Variants in DNASE2 observed in about 807,000 individuals in gnomAD.
DNASE2 encodes deoxyribonuclease 2, lysosomal.
DNASE2 carries 26 observed loss-of-function variants against 29.8 expected under a neutral mutation model. The ratio of observed to expected loss-of-function variants is 0.87; its 90% CI spans 0.64 to 1.21. The LOEUF (loss-of-function observed/expected upper bound fraction) is 1.21, where lower values mean the gene tolerates loss of function less well. DNASE2 is among the 50% of genes most tolerant of loss of function. The pLI, the probability that DNASE2 is intolerant of heterozygous loss-of-function variation, is 0.00. For synonymous variants in DNASE2, 186 were observed against 193.5 expected, an observed-to-expected ratio of 0.96 and a Z score of 0.32; for missense variants, 415 against 455.6, an observed-to-expected ratio of 0.91 and a Z score of 0.81.
In DNASE2 at chr19:12,878,395, G is replaced by C; in HGVS notation, c.696C>G (p.Ser232Arg). ...GAVFQSFAKF[S>R]KFGDDLYSGW... ...CTTGAGACTCACCATCTCCAAATTT[G>C]CTGAACTTGGCAAAGCTCTGGAAAA... is the stretch of plus-strand genomic sequence containing the variant. The change falls in exon 5 of 6, where the codon AGC becomes AGG. Residue 232 changes from serine to arginine, a missense_variant. Coordinates refer to ENST00000222219, the MANE Select transcript of DNASE2 (RefSeq NM_001375.3). 2 of 1,612,628 alleles carry C rather than the reference G, an allele frequency of 1.2e-6. No homozygotes were observed. The highest frequency in any genetic ancestry group is 1.7e-6 in the Non-Finnish European group (2 of 1,180,028).
chr19:12,878,732 G>T lies in DNASE2; in HGVS notation c.449C>A (p.Ala150Asp), dbSNP rs1428588944. 6.2e-7 allele frequency: 1 copy of T among 1,614,018 alleles called. No individual in the cohort carries two copies. The highest frequency in any genetic ancestry group is 8.5e-7 in the Non-Finnish European group (1 of 1,180,038). The change falls in exon 4 of 6, where the codon GCC becomes GAC. Residue 150 changes from alanine to aspartate, a missense_variant. By Grantham distance (126) the Ala-to-Asp change is moderately radical. Transcript: ENST00000222219. ...SSAAYSWPHS[A>D]CTYGQTLLCV... ...GAGCAGGGTCTGCCCGTAGGTACAG[G>T]CGCTATGAGGCCAGCTGTATGCAGC...
In DNASE2 at chr19:12,876,849, G is replaced by C. The variant is rs144641430; in HGVS notation, c.710-486C>G. Among the ~76,000 whole-genome samples, 247 of 151,698 alleles carry C rather than the reference G, an allele frequency of 1.6e-3. 1 individual carries two copies. The highest frequency in any genetic ancestry group is 5.8e-3 in the African/African-American group (240 of 41,328). ...TTCCCAAATTTGTTTTTGAGACAGAGTCTCACTCTGTCGCCCAGGCTGGAG... is the reference window on the plus strand; with the variant it reads ...TTCCCAAATTTGTTTTTGAGACAGACTCTCACTCTGTCGCCCAGGCTGGAG... On this transcript the variant is annotated intron_variant, in intron 5 of 5. Coordinates refer to ENST00000222219, the MANE Select transcript of DNASE2 (RefSeq NM_001375.3).
At chr19:12,877,629 T>C (rs1198444331) in intron 5 of DNASE2, among the ~76,000 whole-genome samples, 1 of 151,836 alleles carries the variant, frequency 6.6e-6, no homozygotes, top group African/African-American at 2.4e-5. Flanking sequence ...CACTGCAAGC[T>C]CCACCTTCCG....
At chr19:12,877,479 A>G (rs1179996230) in intron 5 of DNASE2, among the ~76,000 whole-genome samples, 1 of 152,066 alleles carries the variant, frequency 6.6e-6, no homozygotes. Context: ...GGCTCAAGCA[A>G]TCCTCCTGCC....
intron 3 of DNASE2, among the ~76,000 whole-genome samples, chr19:12,879,580 G>T (rs1222372384): frequency 2.0e-5 from 3 of 152,166 alleles, no homozygotes; most frequent in Admixed American, 1.3e-4. Context: ...TTGCAGCGGG[G>T]CTTAGAGAGG....
chr19:12,875,960 T>C lies in DNASE2; in HGVS notation c.*30A>G, dbSNP rs914552111. 2 of 1,610,202 alleles carry C rather than the reference T, an allele frequency of 1.2e-6. No homozygotes were observed. On this transcript the variant is annotated 3_prime_UTR_variant, in exon 6 of 6. Coordinates refer to ENST00000222219, the MANE Select transcript of DNASE2 (RefSeq NM_001375.3). The stretch of plus-strand genomic sequence containing the variant: ...GGCTTCCCAAAGTGCTGGGATTACA[T>C]ACGTGAGCCACTGCACCTGGCCATA...
intron 3 of DNASE2, among the ~76,000 whole-genome samples, chr19:12,880,585 G>A (rs1402664762): frequency 1.3e-5 from 2 of 152,052 alleles, no homozygotes; most frequent in African/African-American, 4.8e-5. Context: ...CAACCCCAGA[G>A]GCAGAGATTG....
At chr19:12,881,258 G>T in intron 1 of DNASE2, 32 bp downstream of exon 1, 1 of 1,592,176 alleles carries the variant, frequency 6.3e-7, no homozygotes, top group East Asian at 2.3e-5. Flanking sequence ...CCGGACCCCG[G>T]GGCGATGGTA....
chr19:12,878,093 G>A, intron 5 of DNASE2: 1 of 437,688 alleles, frequency 2.3e-6, no homozygotes, highest in Non-Finnish European at 4.3e-6. Context: ...GGGATTACAG[G>A]AGTGAGGCAC....
intron 3 of DNASE2, among the ~76,000 whole-genome samples, chr19:12,879,577 G>A (rs1015438940): frequency 3.3e-5 from 5 of 152,050 alleles, no homozygotes; most frequent in African/African-American, 1.2e-4. Context: ...AGTTTGCAGC[G>A]GGGCTTAGAG....
chr19:12,880,631 G>C (rs1970368733), intron 3 of DNASE2, among the ~76,000 whole-genome samples, 171 bp downstream of exon 3: 1 of 151,920 alleles, frequency 6.6e-6, no homozygotes, highest in Non-Finnish European at 1.5e-5. Flanking sequence ...ACTCCAGCTT[G>C]GGTGACAGAG....
At chr19:12,878,862 G>A (rs1970347547) in intron 3 of DNASE2, 28 bp from the exon 4 acceptor site, 2 of 1,600,638 alleles carry the variant, frequency 1.2e-6, no homozygotes, top group Non-Finnish European at 8.5e-7. Flanking sequence ...ATTAGGGGAG[G>A]TCGGGCGCAG....
rs759318810 is a variant in DNASE2, at chr19:12,875,865, T to G, written c.*125A>C. The G allele has an allele frequency of 3.1e-5, 40 of 1,271,230 alleles. No individual in the cohort carries two copies. Among genetic ancestry groups the G allele is most frequent in the Non-Finnish European group, 4.4e-5 (40 of 919,372 alleles). The allele number at this position is 1,271,230 out of a possible 1,614,324, so 78.7% of individuals were successfully genotyped here. On this transcript the variant is annotated 3_prime_UTR_variant, in exon 6 of 6. Coordinates refer to ENST00000222219, the MANE Select transcript of DNASE2 (RefSeq NM_001375.3). ...CTGGCTAACTTTTTTTAAGTTCTAG[T>G]AGAGATGTGGTCTCACTATGTAGCC...
Position 12,878,515 on chromosome 19 carries a change from C to T in DNASE2, c.576G>A (p.Gln192=), listed in dbSNP as rs1970343483. Reference sequence around the variant, plus strand: ...CCACATTCTCCAAGTCGGGGAATTCCTGGGCAAAGATCCCTTCCAGCTGGT... The same window carrying T: ...CCACATTCTCCAAGTCGGGGAATTCTTGGGCAAAGATCCCTTCCAGCTGGT... The part of the protein sequence containing the change: ...YNYQLEGIFA[Q]EFPDLENVVK... Residue 192 remains glutamine, a synonymous_variant, in exon 5 of 6, where the codon CAG becomes CAA. Coordinates refer to ENST00000222219, the MANE Select transcript of DNASE2 (RefSeq NM_001375.3). 1.2e-6 allele frequency: 2 copies of T among 1,614,130 alleles called. No individual in the cohort carries two copies. The highest frequency in any genetic ancestry group is 1.7e-6 in the Non-Finnish European group (2 of 1,180,032).
rs1970342476 is a variant in DNASE2, at chr19:12,878,445, T to C, written c.646A>G (p.Thr216Ala). The change falls in exon 5 of 6, where the codon ACA (threonine) becomes GCA (alanine). Residue 216 changes from threonine to alanine, a missense_variant. By Grantham distance (58) the Thr-to-Ala change is moderately conservative. Transcript: ENST00000222219. ...VSQEPWNSSI[T>A]LTSQAGAVFQ... ...ACAGCCCCGGCCTGGGATGTGAGTGTGATGCTGCTGTTCCAGGGTTCTTGG... is the reference window on the plus strand; with the variant it reads ...ACAGCCCCGGCCTGGGATGTGAGTGCGATGCTGCTGTTCCAGGGTTCTTGG... 6.2e-7 allele frequency: 1 copy of C among 1,613,798 alleles called. No individual in the cohort carries two copies. Among genetic ancestry groups the C allele is most frequent in the Non-Finnish European group, 8.5e-7 (1 of 1,180,046 alleles).
At position 12,878,482 on chromosome 19, in the gene DNASE2, G is replaced by C; in HGVS notation, c.609C>G (p.Gly203=). 3 of 1,614,082 alleles carry C rather than the reference G, an allele frequency of 1.9e-6. No individual in the cohort carries two copies. Among genetic ancestry groups the C allele is most frequent in the Non-Finnish European group, 2.5e-6 (3 of 1,180,046 alleles). ...EFPDLENVVK[G]HHVSQEPWNS... is the part of the protein sequence containing the mutation. ...TCCAGGGTTCTTGGCTAACGTGGTG[G>C]CCCTTGACCACATTCTCCAAGTCGG... The change falls in exon 5 of 6, where the codon GGC becomes GGG. Residue 203 remains glycine (G), a synonymous_variant. Coordinates refer to ENST00000222219, the MANE Select transcript of DNASE2 (RefSeq NM_001375.3).
chr19:12,880,922 G>C, intron 2 of DNASE2, 42 bp from the exon 3 acceptor site: 1 of 1,614,182 alleles, frequency 6.2e-7, no homozygotes, highest in Non-Finnish European at 8.5e-7. Flanking sequence ...TTCCTCCCAG[G>C]CAGGGCAGCC....
chr19:12,881,009 C>T lies in DNASE2; in HGVS notation c.230G>A (p.Arg77Gln). ...LINSPEGAVG[R>Q]SLQPLYRSNT... ...GCTCCGGTACAGCGGCTGCAGGCTT[C>T]GGCCCACGGCCCCCTCCGGGCTGTT... Residue 77 changes from arginine to glutamine, a missense_variant, in exon 2 of 6, where the codon CGA becomes CAA. Physicochemically the swap from Arg to Gln is conservative, Grantham distance 43. Transcript: ENST00000222219. 1 of 1,613,942 alleles carries T rather than the reference C, an allele frequency of 6.2e-7. No homozygotes were observed. The highest frequency in any genetic ancestry group is 1.7e-5 in the Admixed American group (1 of 60,022).
chr19:12,878,080 AC>A (rs1970339713), intron 5 of DNASE2: 1 of 412,554 alleles, frequency 2.4e-6, no homozygotes, highest in Non-Finnish European at 4.6e-6. Flanking sequence ...CTCCTAAGTA[AC>A]TGGGATTACA....
Sources: gnomAD v4.1 joint callset for allele counts (sites outside exome capture counted in the v4.1 genomes callset) on GRCh38, gnomAD v4.1.1 for gene constraint, MANE v1.5 for transcripts, NCBI Gene and HGNC (gene_info 2026-07-23, HGNC 2026-07-21) for gene names.